SV2C: variants seen among roughly 807,000 people sequenced by gnomAD.
SV2C encodes solute carrier family 22 member B3.
SV2C carries 49 observed loss-of-function variants against 79.7 expected under a neutral mutation model. The observed-to-expected ratio is 0.61, with a 90% CI of 0.49 to 0.78. The LOEUF is 0.78. SV2C is among the 30% of genes least tolerant of loss of function. SV2C has a pLI of 0.00. For synonymous variants in SV2C, 334 were observed against 333.2 expected (o/e 1.00, Z -0.03); for missense variants, 833 against 912.9 (o/e 0.91, Z 1.13).
At chr5:75,934,302 C>CTTTCTTT in the SV2C span, among the ~76,000 whole-genome samples, 19 of 107,828 alleles carry the variant, frequency 1.8e-4, no homozygotes, top group African/African-American at 7.2e-4. Context: ...TTCTTTCTTT[C>CTTTCTTT]TTTTTTTTTT....
intron 12 of SV2C, among the ~76,000 whole-genome samples, chr5:76,304,037 A>G (rs1331442867): frequency 1.3e-5 from 2 of 152,190 alleles, no homozygotes; most frequent in Non-Finnish European, 2.9e-5. Context: ...GTGACTCAGG[A>G]AGCAGCCTGC....
the SV2C span, among the ~76,000 whole-genome samples, chr5:76,058,988 G>A: frequency 4.6e-5 from 7 of 151,924 alleles, no homozygotes; most frequent in Admixed American, 2.6e-4. Context: ...TAAGAATCAC[G>A]TACATTTTTT....
intron 12 of SV2C, among the ~76,000 whole-genome samples, chr5:76,349,436 C>T (rs1469162636): frequency 6.6e-6 from 1 of 152,082 alleles, no homozygotes; most frequent in Non-Finnish European, 1.5e-5. Context: ...CACTTGAACC[C>T]GGGATGGGGA....
the SV2C span, among the ~76,000 whole-genome samples, chr5:76,009,729 C>T: frequency 6.6e-6 from 1 of 151,922 alleles, no homozygotes; most frequent in Non-Finnish European, 1.5e-5. Flanking sequence ...CATAATGTGG[C>T]AACAATAGAC....
intron 2 of SV2C, among the ~76,000 whole-genome samples, chr5:76,169,871 G>A (rs2112266794): frequency 6.6e-6 from 1 of 152,280 alleles, no homozygotes; most frequent in East Asian, 1.9e-4. Flanking sequence ...GAAAGATTGT[G>A]TCTGGTAGTA....
chr5:75,847,959 G>T, the SV2C span, among the ~76,000 whole-genome samples: 3 of 152,132 alleles, frequency 2.0e-5, no homozygotes, highest in Non-Finnish European at 2.9e-5. Context: ...GAAAAGCCCA[G>T]CTCCATGCCA....
chr5:76,235,345 A>G (rs1727456553), intron 4 of SV2C, among the ~76,000 whole-genome samples: 1 of 152,144 alleles, frequency 6.6e-6, no homozygotes, highest in South Asian at 2.1e-4. Flanking sequence ...CTTTCTGGTT[A>G]TGTTATGGAT....
rs548342314 is a variant in SV2C, at chr5:76,213,047, C to T, written c.913+3160C>T. On this transcript the variant is annotated intron_variant, in intron 4 of 12. Coordinates refer to ENST00000502798, the MANE Select transcript of SV2C (RefSeq NM_014979.4). ...ATGACGACACAACAAAATTAAATGT[C>T]GGAGGCTGACATCAACTTTTATGTT... 1.5e-3 allele frequency among the ~76,000 whole-genome samples: 223 copies of T among 152,220 alleles called. 1 individual carries two copies. The highest frequency in any genetic ancestry group is 4.9e-3 in the African/African-American group (203 of 41,534).
At chr5:76,063,343 C>T in the SV2C span, among the ~76,000 whole-genome samples, 18 of 152,206 alleles carry the variant, frequency 1.2e-4, no homozygotes, top group African/African-American at 4.3e-4. Context: ...GTCCTAGGTT[C>T]AGCCAATCCT....
At chr5:75,984,388 G>A in the SV2C span, among the ~76,000 whole-genome samples, 1 of 152,070 alleles carries the variant, frequency 6.6e-6, no homozygotes, top group African/African-American at 2.4e-5. Flanking sequence ...CTTTGCCTCA[G>A]TTATCAAATG....
chr5:76,046,046 G>C, the SV2C span, among the ~76,000 whole-genome samples: 1 of 152,174 alleles, frequency 6.6e-6, no homozygotes, highest in South Asian at 2.1e-4. Flanking sequence ...ATAGTGGGAA[G>C]AGATAGGCAC....
intron 1 of SV2C, among the ~76,000 whole-genome samples, chr5:76,110,222 G>T (rs1748054001): frequency 6.6e-6 from 1 of 152,140 alleles, no homozygotes; most frequent in African/African-American, 2.4e-5. Flanking sequence ...AATGAGAAGG[G>T]CTGGTGGGGG....
chr5:76,339,483 G>A (rs1749395939), intron 12 of SV2C, among the ~76,000 whole-genome samples: 1 of 152,146 alleles, frequency 6.6e-6, no homozygotes, highest in Non-Finnish European at 1.5e-5. Flanking sequence ...GGGAGGCCAA[G>A]GCGGGCGGAT....
chr5:76,046,053 G>A, the SV2C span, among the ~76,000 whole-genome samples: 1 of 152,156 alleles, frequency 6.6e-6, no homozygotes, highest in Non-Finnish European at 1.5e-5. Context: ...GAAGAGATAG[G>A]CACTAAATCA....
At chr5:76,296,580 C>G (rs1463938449) in intron 9 of SV2C, among the ~76,000 whole-genome samples, 1 of 152,122 alleles carries the variant, frequency 6.6e-6, no homozygotes, top group Non-Finnish European at 1.5e-5. Flanking sequence ...AAGAGTAGAC[C>G]AAGTACTTGT....
At chr5:76,100,175 TG>T (rs1161414158) in intron 1 of SV2C, among the ~76,000 whole-genome samples, 1 of 152,190 alleles carries the variant, frequency 6.6e-6, no homozygotes, top group East Asian at 1.9e-4. Context: ...AAGCTGCCTT[TG>T]GGTCAACTGG....
chr5:76,245,034 T>C (rs1053048687), intron 4 of SV2C, among the ~76,000 whole-genome samples: 1 of 152,252 alleles, frequency 6.6e-6, no homozygotes. Context: ...TCAGCTTTTC[T>C]AGGAAATCTT....
At position 76,301,455 on chromosome 5, in the gene SV2C, T is replaced by C. The variant is rs746177790; in HGVS notation, c.1910T>C (p.Ile637Thr). 2.5e-6 allele frequency: 4 copies of C among 1,614,086 alleles called. No individual in the cohort carries two copies. The highest frequency in any genetic ancestry group is 3.4e-6 in the Non-Finnish European group (4 of 1,180,002). ...LWFGTSESMMIGMLCLYNGLT... is the reference protein window; with the variant it reads ...LWFGTSESMMTGMLCLYNGLT... Reference sequence around the variant, plus strand: ...TTCGGCACCAGTGAATCCATGATGATAGGCATGCTGTGTCTGTACAATGGA... The same window carrying C: ...TTCGGCACCAGTGAATCCATGATGACAGGCATGCTGTGTCTGTACAATGGA... The change falls in exon 12 of 13, where the codon ATA becomes ACA. Residue 637 changes from isoleucine to threonine, a missense_variant. Ile to Thr is a moderately conservative substitution (Grantham distance 89). Coordinates refer to ENST00000502798, the MANE Select transcript of SV2C (RefSeq NM_014979.4).
chr5:75,931,735 G>T, the SV2C span, among the ~76,000 whole-genome samples: 1 of 152,132 alleles, frequency 6.6e-6, no homozygotes, highest in African/African-American at 2.4e-5. Flanking sequence ...AATAAAATTT[G>T]ATTTTAAGAA....
Sources: gnomAD v4.1 joint callset for allele counts (sites outside exome capture counted in the v4.1 genomes callset) on GRCh38, gnomAD v4.1.1 for gene constraint, MANE v1.5 for transcripts, NCBI Gene and HGNC (gene_info 2026-07-23, HGNC 2026-07-21) for gene names.